Variants in TAFA1 observed in about 807,000 individuals in gnomAD.
TAFA1 encodes chemokine-like protein TAFA-1.
TAFA1 carries 4 observed loss-of-function variants against 18.5 expected under a neutral mutation model. The ratio of observed to expected loss-of-function variants is 0.22; its 90% CI spans 0.11 to 0.49. The LOEUF (loss-of-function observed/expected upper bound fraction) is 0.49. TAFA1 is among the 20% of genes least tolerant of loss of function. TAFA1 has a pLI of 0.98. For synonymous variants in TAFA1, 56 were observed against 55.2 expected (o/e 1.01, Z -0.06); for missense variants, 147 against 169.0 (o/e 0.87, Z 0.72).
At chr3:68,366,101 A>G (rs201580944) in intron 2 of TAFA1, among the ~76,000 whole-genome samples, 37 of 151,004 alleles carry the variant, frequency 2.5e-4, no homozygotes, top group Middle Eastern at 3.4e-3. Context: ...AAAAAAAAAA[A>G]AAAGAAACCA....
the TAFA1 span, among the ~76,000 whole-genome samples, chr3:67,994,807 C>T: frequency 3.3e-5 from 5 of 152,138 alleles, no homozygotes; most frequent in Admixed American, 6.5e-5. Flanking sequence ...GAAAACTTGT[C>T]CTTGCATGAC....
intron 2 of TAFA1, among the ~76,000 whole-genome samples, chr3:68,012,912 CTGTT>C (rs1291620636): frequency 6.6e-6 from 1 of 152,150 alleles, no homozygotes; most frequent in Non-Finnish European, 1.5e-5. Flanking sequence ...AAAGTGTCCA[CTGTT>C]TGTTATGTTC....
chr3:68,291,911 T>C (rs988829725), intron 2 of TAFA1, among the ~76,000 whole-genome samples: 2 of 152,120 alleles, frequency 1.3e-5, no homozygotes, highest in African/African-American at 4.8e-5. Context: ...TGGGAGATAA[T>C]ACAGTATAAG....
At chr3:68,498,140 G>A (rs2072583944) in intron 3 of TAFA1, among the ~76,000 whole-genome samples, 1 of 152,188 alleles carries the variant, frequency 6.6e-6, no homozygotes, top group South Asian at 2.1e-4. Context: ...ATTACTGGTT[G>A]TTGTATAACC....
chr3:68,040,803 T>C (rs1319353328), intron 2 of TAFA1, among the ~76,000 whole-genome samples: 7 of 152,240 alleles, frequency 4.6e-5, no homozygotes, highest in Non-Finnish European at 4.4e-5. Flanking sequence ...TGAGAATCAC[T>C]GTTCTAGCCT....
intron 2 of TAFA1, among the ~76,000 whole-genome samples, chr3:68,384,558 A>G (rs1253390138): frequency 6.6e-6 from 1 of 152,040 alleles, no homozygotes; most frequent in Non-Finnish European, 1.5e-5. Flanking sequence ...GTTCTTTTGC[A>G]TTTGCTGAAA....
chr3:68,079,639 A>G (rs1294593367), intron 2 of TAFA1, among the ~76,000 whole-genome samples: 1 of 152,080 alleles, frequency 6.6e-6, no homozygotes, highest in Non-Finnish European at 1.5e-5. Context: ...GAGATTCTTA[A>G]TCCTGAGTTC....
chr3:68,225,840 A>C (rs1268434011), intron 2 of TAFA1, among the ~76,000 whole-genome samples: 1 of 152,174 alleles, frequency 6.6e-6, no homozygotes, highest in Non-Finnish European at 1.5e-5. Flanking sequence ...CTATCTGTGA[A>C]AATGAAGCAA....
At chr3:68,399,222 T>C (rs2070440380) in intron 2 of TAFA1, among the ~76,000 whole-genome samples, 1 of 152,230 alleles carries the variant, frequency 6.6e-6, no homozygotes, top group African/African-American at 2.4e-5. Flanking sequence ...GAAGAAGGTG[T>C]GCATTTTACA....
At chr3:68,204,985 A>T (rs2107050663) in intron 2 of TAFA1, among the ~76,000 whole-genome samples, 1 of 151,892 alleles carries the variant, frequency 6.6e-6, no homozygotes, top group Non-Finnish European at 1.5e-5. Flanking sequence ...TTATAGAATT[A>T]TAAAGTAGAT....
chr3:68,010,096 G>A (rs773428464), intron 2 of TAFA1, among the ~76,000 whole-genome samples: 20 of 152,130 alleles, frequency 1.3e-4, no homozygotes, highest in Non-Finnish European at 2.6e-4. Flanking sequence ...GGCAGACTCC[G>A]CGTGCATACC....
At chr3:68,096,462 T>C (rs1373508003) in intron 2 of TAFA1, among the ~76,000 whole-genome samples, 1 of 152,142 alleles carries the variant, frequency 6.6e-6, no homozygotes, top group Non-Finnish European at 1.5e-5. Flanking sequence ...CTAAATGACT[T>C]GCCAAGATAG....
chr3:68,153,427 G>A (rs2065830734), intron 2 of TAFA1, among the ~76,000 whole-genome samples: 1 of 152,148 alleles, frequency 6.6e-6, no homozygotes, highest in Non-Finnish European at 1.5e-5. Flanking sequence ...CTGAGAAGGT[G>A]GTAGATGAGA....
intron 2 of TAFA1, among the ~76,000 whole-genome samples, chr3:68,188,512 T>TA (rs1409259287): frequency 1.4e-5 from 2 of 146,336 alleles, no homozygotes. Context: ...TATATTTATA[T>TA]ATATATATAT....
chr3:68,442,299 A>C (rs919361904), intron 3 of TAFA1, among the ~76,000 whole-genome samples: 6 of 152,122 alleles, frequency 3.9e-5, no homozygotes, highest in African/African-American at 1.4e-4. Flanking sequence ...CAGAATCCCA[A>C]CGTGGCAAAG....
At chr3:68,150,669 C>A (rs1424643201) in intron 2 of TAFA1, among the ~76,000 whole-genome samples, 2 of 151,914 alleles carry the variant, frequency 1.3e-5, no homozygotes, top group Non-Finnish European at 2.9e-5. Context: ...ATGTTTTAAC[C>A]CTTCATTTAC....
At chr3:68,476,775 T>G (rs2072105279) in intron 3 of TAFA1, among the ~76,000 whole-genome samples, 1 of 152,188 alleles carries the variant, frequency 6.6e-6, no homozygotes, top group Non-Finnish European at 1.5e-5. Flanking sequence ...TAGAACCCAT[T>G]TGTAACCAGA....
intron 2 of TAFA1, among the ~76,000 whole-genome samples, chr3:68,380,344 C>T (rs2069916745): frequency 6.6e-6 from 1 of 152,202 alleles, no homozygotes; most frequent in Admixed American, 6.5e-5. Context: ...AATTGGCACA[C>T]CGACTTCCAC....
intron 2 of TAFA1, among the ~76,000 whole-genome samples, chr3:68,060,722 G>A (rs894840063): frequency 2.3e-4 from 35 of 152,092 alleles, no homozygotes; most frequent in African/African-American, 2.7e-4. Context: ...TGGATGTCAC[G>A]TACATATACC....
Sources: allele counts gnomAD v4.1 joint callset (sites outside exome capture counted in the v4.1 genomes callset), GRCh38; gene constraint gnomAD v4.1.1; transcripts MANE v1.5; gene names NCBI Gene and HGNC (gene_info 2026-07-23, HGNC 2026-07-21).